The following DLGAP2 variants were observed in gnomAD, a reference collection of about 807,000 sequenced individuals.
The protein encoded by DLGAP2 is disks large-associated protein 2.
Under a neutral mutation model 100.3 loss-of-function variants are expected in DLGAP2, and 26 were observed. The ratio of observed to expected loss-of-function variants is 0.26; its 90% CI spans 0.19 to 0.36. The LOEUF (loss-of-function observed/expected upper bound fraction) is 0.36, where lower values mean the gene tolerates loss of function less well. DLGAP2 is among the 10% of genes least tolerant of loss of function. DLGAP2 has a pLI of 1.00. For synonymous variants in DLGAP2, 886 were observed against 630.1 expected (o/e 1.41, Z -6.08); for missense variants, 1,858 against 1,453.2 (o/e 1.28, Z -4.53).
At chr8:1,190,244 A>G (rs1307441671) in intron 2 of DLGAP2, among the ~76,000 whole-genome samples, 1 of 152,160 alleles carries the variant, frequency 6.6e-6, no homozygotes, top group Non-Finnish European at 1.5e-5. Context: ...AGAGTCCTCC[A>G]AGTCCACGGC....
intron 3 of DLGAP2, among the ~76,000 whole-genome samples, chr8:1,335,719 C>A (rs1019310302): frequency 6.6e-6 from 1 of 152,168 alleles, no homozygotes; most frequent in Non-Finnish European, 1.5e-5. Context: ...ACGCAGGACG[C>A]CCAGGGAACC....
chr8:1,546,583 G>T (rs1354170752), intron 4 of DLGAP2, among the ~76,000 whole-genome samples: 1 of 152,154 alleles, frequency 6.6e-6, no homozygotes, highest in African/African-American at 2.4e-5. Flanking sequence ...AGGGGATTTT[G>T]TTGTTGTTGT....
chr8:900,592 G>GCA (rs1798233151), intron 1 of DLGAP2, among the ~76,000 whole-genome samples: 1 of 151,952 alleles, frequency 6.6e-6, no homozygotes, highest in Non-Finnish European at 1.5e-5. Context: ...AATTTCCCCC[G>GCA]GTTCAGCACC....
intron 2 of DLGAP2, among the ~76,000 whole-genome samples, chr8:919,806 CTG>C (rs1369695585): frequency 4.6e-5 from 7 of 152,246 alleles, no homozygotes; most frequent in Admixed American, 1.3e-4. Context: ...GCTGTGCTCT[CTG>C]TGGTGTCTGG....
chr8:1,242,969 G>C (rs1259147356), intron 2 of DLGAP2, among the ~76,000 whole-genome samples: 3 of 152,150 alleles, frequency 2.0e-5, no homozygotes, highest in African/African-American at 7.2e-5. Flanking sequence ...AACTTTCTCT[G>C]ATGACTCAAA....
intron 2 of DLGAP2, among the ~76,000 whole-genome samples, chr8:1,134,033 T>G (rs1014767154): frequency 6.6e-6 from 1 of 151,742 alleles, no homozygotes; most frequent in African/African-American, 2.4e-5. Flanking sequence ...TGGATGTTGG[T>G]CCCCTTTATG....
chr8:946,426 G>A (rs1406617883), intron 2 of DLGAP2, among the ~76,000 whole-genome samples: 2 of 152,058 alleles, frequency 1.3e-5, no homozygotes, highest in Non-Finnish European at 2.9e-5. Context: ...ACCACGCCCG[G>A]CTAATTTTTT....
chr8:1,354,374 G>A (rs2129636919), intron 3 of DLGAP2, among the ~76,000 whole-genome samples: 1 of 152,250 alleles, frequency 6.6e-6, no homozygotes, highest in East Asian at 1.9e-4. Flanking sequence ...GTATCTGGGT[G>A]TGGTGGTGCG....
intron 6 of DLGAP2, among the ~76,000 whole-genome samples, chr8:1,622,925 C>T (rs1350198958): frequency 6.6e-6 from 1 of 152,100 alleles, no homozygotes; most frequent in Non-Finnish European, 1.5e-5. Context: ...GGGACTTCAC[C>T]CTGTGTCACC....
At chr8:1,644,772 C>A (rs1798002473) in intron 8 of DLGAP2, among the ~76,000 whole-genome samples, 1 of 152,218 alleles carries the variant, frequency 6.6e-6, no homozygotes, top group South Asian at 2.1e-4. Flanking sequence ...TACATTGTCT[C>A]AGGAATATAT....
intron 3 of DLGAP2, chr8:1,301,289 T>C (rs1309436500): frequency 6.6e-6 from 1 of 152,222 alleles, no homozygotes; most frequent in East Asian, 1.9e-4. Flanking sequence ...CACCCTTCCA[T>C]GGAAGCTGCT....
At chr8:914,158 A>G (rs1282152548) in intron 2 of DLGAP2, among the ~76,000 whole-genome samples, 2 of 152,260 alleles carry the variant, frequency 1.3e-5, no homozygotes, top group East Asian at 1.9e-4. Context: ...AGTTGTGCGA[A>G]CAGAATTCCA....
chr8:858,496 C>T (rs1481629631), intron 1 of DLGAP2, among the ~76,000 whole-genome samples: 2 of 151,924 alleles, frequency 1.3e-5, no homozygotes, highest in African/African-American at 2.4e-5. Flanking sequence ...ATGCTGTCAT[C>T]GTGGGCACAT....
chr8:898,883 C>T (rs533537697), intron 1 of DLGAP2, among the ~76,000 whole-genome samples: 1 of 152,250 alleles, frequency 6.6e-6, no homozygotes, highest in East Asian at 1.9e-4. Flanking sequence ...GAGGGTGAGC[C>T]CTGCGCATCA....
At chr8:1,195,017 T>A (rs1797719356) in intron 2 of DLGAP2, among the ~76,000 whole-genome samples, 1 of 152,232 alleles carries the variant, frequency 6.6e-6, no homozygotes, top group Admixed American at 6.5e-5. Flanking sequence ...CCTGCTCTCC[T>A]GAGAAGCTTG....
intron 2 of DLGAP2, among the ~76,000 whole-genome samples, chr8:1,173,552 G>A (rs565163431): frequency 1.1e-4 from 17 of 152,290 alleles, no homozygotes; most frequent in South Asian, 2.1e-4. Context: ...GGAGCTTCCC[G>A]GTTGCTTTGT....
In DLGAP2 at chr8:1,342,195, C is replaced by T. The variant is rs376476353; in HGVS notation, c.106+83312C>T. On this transcript the variant is annotated intron_variant, in intron 3 of 14. Coordinates refer to ENST00000637795, the MANE Select transcript of DLGAP2 (RefSeq NM_001346810.2). ...TACCTGGTCTCAAGCAATCGGCCCACCTCAGCCTCCCAAAGTGCTGGGATT... is the reference window on the plus strand; with the variant it reads ...TACCTGGTCTCAAGCAATCGGCCCATCTCAGCCTCCCAAAGTGCTGGGATT... 1.8e-4 allele frequency among the ~76,000 whole-genome samples: 28 copies of T among 152,208 alleles called. No homozygotes were observed. In the South Asian group the frequency reaches 5.2e-3, roughly 28 times the overall value.
Position 1,701,509 on chromosome 8 carries a change from G to C in DLGAP2, c.*103G>C. 4 of 1,241,418 alleles carry C rather than the reference G, an allele frequency of 3.2e-6. No homozygotes were observed. The highest frequency in any genetic ancestry group is 4.4e-6 in the Non-Finnish European group (4 of 915,094). 76.9% of individuals were successfully genotyped at this position (1,241,418 alleles called of 1,614,324 possible). A position where few individuals can be genotyped will look rare whatever the true frequency, so the allele number is the denominator to read the frequency against. On this transcript the variant is annotated 3_prime_UTR_variant, in exon 15 of 15. Coordinates refer to ENST00000637795, the MANE Select transcript of DLGAP2 (RefSeq NM_001346810.2). Reference sequence around the variant, plus strand: ...TCTGTCTCCTCCTCCCGCTGAACACGTCCTCGCTCCCGCGCTCCCCGCGCC... The same window carrying C: ...TCTGTCTCCTCCTCCCGCTGAACACCTCCTCGCTCCCGCGCTCCCCGCGCC...
At chr8:1,105,508 C>A (rs1804726903) in intron 2 of DLGAP2, among the ~76,000 whole-genome samples, 1 of 152,018 alleles carries the variant, frequency 6.6e-6, no homozygotes, top group South Asian at 2.1e-4. Flanking sequence ...GGTAGCCATG[C>A]TGAGCGGGGG....
Sources: allele counts gnomAD v4.1 joint callset (sites outside exome capture counted in the v4.1 genomes callset), GRCh38; gene constraint gnomAD v4.1.1; transcripts MANE v1.5; gene names NCBI Gene and HGNC (gene_info 2026-07-23, HGNC 2026-07-21).